RNASEH2B: variants seen among roughly 807,000 people sequenced by gnomAD.
RNASEH2B encodes the protein Aicardi-Goutieres syndrome 2 protein.
A neutral mutation model predicts 45.0 loss-of-function variants in RNASEH2B; 36 were observed. That is an observed-to-expected ratio of 0.80 (90% CI 0.61 to 1.06). The LOEUF (loss-of-function observed/expected upper bound fraction) is 1.06, where lower values mean the gene tolerates loss of function less well. Among genes scored for constraint, RNASEH2B ranks in the 50% least tolerant of loss-of-function variants. The pLI, the probability that RNASEH2B is intolerant of heterozygous loss-of-function variation, is 0.00. For missense variants in RNASEH2B, 361 were observed against 360.3 expected (o/e 1.00, Z -0.02); for synonymous variants, 119 against 125.7 (o/e 0.95, Z 0.35).
chr13:50,943,790 G>A (rs1002139990), intron 6 of RNASEH2B, among the ~76,000 whole-genome samples: 2 of 152,178 alleles, frequency 1.3e-5, no homozygotes, highest in Non-Finnish European at 1.5e-5. Flanking sequence ...ACACAGCCAG[G>A]CAAAGGTGTT....
chr13:50,969,956 G>A (rs1389830041), exon 10 of RNASEH2B: 4 of 1,551,590 alleles, frequency 2.6e-6, no homozygotes, highest in South Asian at 2.4e-5. Flanking sequence ...ACAGAAAAGG[G>A]GCAAGTGATG....
At chr13:50,962,473 G>A (rs1952120988) in intron 9 of RNASEH2B, among the ~76,000 whole-genome samples, 1 of 151,952 alleles carries the variant, frequency 6.6e-6, no homozygotes, top group African/African-American at 2.4e-5. Context: ...TTTGATCTAG[G>A]TTGTCAAATT....
At chr13:50,930,532 A>T in intron 3 of RNASEH2B, 151 bp from the exon 4 acceptor site, 1 of 697,058 alleles carries the variant, frequency 1.4e-6, no homozygotes, top group Non-Finnish European at 2.6e-6. Flanking sequence ...TGAGAGAATC[A>T]CATAGACTCT....
chr13:50,951,790 A>C (rs1267208203), intron 9 of RNASEH2B: 3 of 152,148 alleles, frequency 2.0e-5, no homozygotes, highest in African/African-American at 7.2e-5. Flanking sequence ...TATATTCAAC[A>C]GTGCACTGGG....
At chr13:50,925,865 C>A (rs1593454551) in intron 1 of RNASEH2B, among the ~76,000 whole-genome samples, 1 of 152,266 alleles carries the variant, frequency 6.6e-6, no homozygotes, top group East Asian at 1.9e-4. Flanking sequence ...CTCTGGAATT[C>A]TTAGCATCAT....
downstream of RNASEH2B, chr13:50,956,764 T>TA: frequency 8.6e-7 from 1 of 1,159,138 alleles, no homozygotes; most frequent in Non-Finnish European, 1.1e-6. Flanking sequence ...GTGACAATGT[T>TA]AGAGTGTATG....
At chr13:50,916,359 G>A (rs544573110) in intron 1 of RNASEH2B, among the ~76,000 whole-genome samples, 1 of 152,274 alleles carries the variant, frequency 6.6e-6, no homozygotes, top group South Asian at 2.1e-4. Context: ...AGAAAGTTCA[G>A]TTGATTTAAT....
At chr13:50,963,199 T>C (rs944004276) in intron 9 of RNASEH2B, among the ~76,000 whole-genome samples, 4 of 152,154 alleles carry the variant, frequency 2.6e-5, no homozygotes, top group African/African-American at 4.8e-5. Context: ...AGTTTCGCTC[T>C]TGTTGCCCAG....
At chr13:50,969,919 C>G in intron 9 of RNASEH2B, 2 of 1,551,460 alleles carry the variant, frequency 1.3e-6, no homozygotes, top group Non-Finnish European at 1.7e-6. Flanking sequence ...ACATGTTTTC[C>G]TTTCCTCTCT....
At chr13:50,969,805 T>C in intron 9 of RNASEH2B, 2 of 844,458 alleles carry the variant, frequency 2.4e-6, no homozygotes, top group South Asian at 1.7e-5. Context: ...GCGAAAATGC[T>C]CAGCTGCCCT....
chr13:50,948,195 A>G, intron 8 of RNASEH2B, 127 bp downstream of exon 8: 2 of 1,468,836 alleles, frequency 1.4e-6, no homozygotes, highest in Non-Finnish European at 1.8e-6. Context: ...GCTATGTCAT[A>G]TACTTTGTGC....
In RNASEH2B at chr13:50,916,263, T is replaced by C. The variant is rs563656520; in HGVS notation, c.64+6123T>C. Among the ~76,000 whole-genome samples, 127 of 152,300 alleles carry C rather than the reference T, an allele frequency of 8.3e-4. 1 individual carries two copies. The Middle Eastern group carries it at 0.048, about 57-fold the overall frequency. ...TTGCCTTTATTTCATTGTTTACCCT[T>C]ACTACTTATTTAATGTAACACTAAA... On this transcript the variant is annotated intron_variant, in intron 1 of 10. Transcript: ENST00000336617.
chr13:50,911,622 G>A (rs545086683), intron 1 of RNASEH2B: 1 of 152,310 alleles, frequency 6.6e-6, no homozygotes, highest in East Asian at 1.9e-4. Flanking sequence ...CAGTGTATGA[G>A]AGTTCCCATT....
intron 5 of RNASEH2B, chr13:50,935,962 G>C (rs1951746635): frequency 6.6e-6 from 1 of 152,164 alleles, no homozygotes; most frequent in Non-Finnish European, 1.5e-5. Flanking sequence ...GATAGAACAA[G>C]AAGAAAGTAG....
chr13:50,945,433 C>A lies in RNASEH2B; in HGVS notation c.517C>A (p.Gln173Lys). ...CCTCTTGGTTGCTTCATAGGTTAATCAAACTGTGGCAGCATTAAAAACCAA... is the reference window on the plus strand; with the variant it reads ...CCTCTTGGTTGCTTCATAGGTTAATAAAACTGTGGCAGCATTAAAAACCAA... The part of the protein sequence containing the change: ...TLKWLEKKVN[Q>K]TVAALKTNNV... Residue 173 changes from glutamine (Q) to lysine (K), a missense_variant, in exon 7 of 11, where the codon CAA becomes AAA. Coordinates refer to ENST00000336617, the MANE Select transcript of RNASEH2B (RefSeq NM_024570.4). 2 of 1,611,370 alleles carry A rather than the reference C, an allele frequency of 1.2e-6. No individual in the cohort carries two copies. Among genetic ancestry groups the A allele is most frequent in the South Asian group, 1.1e-5 (1 of 90,964 alleles).
exon 10 of RNASEH2B, chr13:50,969,961 G>A (rs1322242163): frequency 3.0e-5 from 47 of 1,551,552 alleles, no homozygotes; most frequent in Admixed American, 3.9e-5. Context: ...AAAGGGGCAA[G>A]TGATGGTGGT....
chr13:50,952,533 C>G (rs1365147359), intron 9 of RNASEH2B: 2 of 152,148 alleles, frequency 1.3e-5, no homozygotes, highest in African/African-American at 4.8e-5. Flanking sequence ...TCCGGAGTAG[C>G]TGGGACTACA....
At chr13:50,919,253 T>C (rs1005992521) in intron 1 of RNASEH2B, among the ~76,000 whole-genome samples, 1 of 152,260 alleles carries the variant, frequency 6.6e-6, no homozygotes, top group East Asian at 1.9e-4. Context: ...CAACCTGTAC[T>C]ATATAGTCTG....
intron 1 of RNASEH2B, among the ~76,000 whole-genome samples, chr13:50,919,752 G>T (rs1025105839): frequency 6.6e-6 from 1 of 152,104 alleles, no homozygotes; most frequent in African/African-American, 2.4e-5. Context: ...TTAAATCCTG[G>T]CTCTATAGTT....
Sources: gnomAD v4.1 joint callset for allele counts (sites outside exome capture counted in the v4.1 genomes callset) on GRCh38, gnomAD v4.1.1 for gene constraint, MANE v1.5 for transcripts, NCBI Gene and HGNC (gene_info 2026-07-23, HGNC 2026-07-21) for gene names.